The following PCMTD1 variants were observed in gnomAD, a reference collection of about 807,000 sequenced individuals.
The protein encoded by PCMTD1 is protein-L-isoaspartate O-methyltransferase domain-containing protein 1.
A neutral mutation model predicts 37.6 loss-of-function variants in PCMTD1; 12 were observed. The observed-to-expected ratio is 0.32, with a 90% confidence interval of 0.20 to 0.52. The LOEUF is 0.52. Ranked by LOEUF, PCMTD1 falls within the 20% of genes least tolerant of loss-of-function variation. The pLI is 0.97. For synonymous variants in PCMTD1, 117 were observed against 135.8 expected, an observed-to-expected ratio of 0.86 and a Z score of 0.96; for missense variants, 235 against 421.3, an observed-to-expected ratio of 0.56 and a Z score of 3.87.
At chr8:51,892,316 C>T (rs999791274) in intron 1 of PCMTD1, among the ~76,000 whole-genome samples, 1 of 152,196 alleles carries the variant, frequency 6.6e-6, no homozygotes, top group African/African-American at 2.4e-5. Context: ...CACTGAACTG[C>T]TAACACATGC....
At chr8:51,833,720 T>A (rs1353013364) in intron 3 of PCMTD1, 31 bp from the exon 4 acceptor site, 1 of 1,585,976 alleles carries the variant, frequency 6.3e-7, no homozygotes, top group Admixed American at 1.7e-5. Flanking sequence ...TTTAATTCAA[T>A]TAAGCAAAAC....
intron 1 of PCMTD1, among the ~76,000 whole-genome samples, chr8:51,897,290 A>G (rs1052677670): frequency 9.2e-5 from 14 of 152,224 alleles, no homozygotes; most frequent in Non-Finnish European, 1.8e-4. Flanking sequence ...TTTCTGTCTT[A>G]CTTAATAGTA....
intron 2 of PCMTD1, among the ~76,000 whole-genome samples, chr8:51,858,479 A>G (rs1202796792): frequency 6.6e-6 from 1 of 152,230 alleles, no homozygotes; most frequent in Non-Finnish European, 1.5e-5. Context: ...CACAGGGAGC[A>G]TGTGAGCATC....
intron 1 of PCMTD1, among the ~76,000 whole-genome samples, chr8:51,864,667 T>C (rs2038523989): frequency 6.6e-6 from 1 of 151,708 alleles, no homozygotes; most frequent in Non-Finnish European, 1.5e-5. Context: ...TTGAGACAAA[T>C]GAAAATGGAA....
chr8:51,845,396 G>GA (rs1439839593), intron 3 of PCMTD1: 2 of 322,208 alleles, frequency 6.2e-6, no homozygotes, highest in Non-Finnish European at 1.2e-5. Flanking sequence ...TGTATCTCCA[G>GA]AAAAGATAGC....
chr8:51,833,410 AT>A, intron 4 of PCMTD1, 107 bp downstream of exon 4: 2 of 874,148 alleles, frequency 2.3e-6, no homozygotes, highest in Non-Finnish European at 3.4e-6. Flanking sequence ...GTGAAAAGTA[AT>A]TTTTTCTTTA....
chr8:51,831,875 C>T (rs559603970), intron 4 of PCMTD1, among the ~76,000 whole-genome samples: 3 of 152,254 alleles, frequency 2.0e-5, no homozygotes, highest in Non-Finnish European at 4.4e-5. Flanking sequence ...CATGCCATTG[C>T]CTTTCAAAAT....
intron 3 of PCMTD1, among the ~76,000 whole-genome samples, chr8:51,841,251 C>T (rs906419219): frequency 6.6e-6 from 1 of 152,116 alleles, no homozygotes; most frequent in Non-Finnish European, 1.5e-5. Context: ...CAGACAAATG[C>T]ATATTAGGTG....
chr8:51,820,896 G>A (rs2037838476), intron 5 of PCMTD1, among the ~76,000 whole-genome samples, 178 bp from the exon 6 acceptor site: 1 of 152,024 alleles, frequency 6.6e-6, no homozygotes, highest in African/African-American at 2.4e-5. Context: ...GCCAAGGACC[G>A]ATGGATGGCA....
chr8:51,869,382 C>T (rs899211738), intron 1 of PCMTD1, among the ~76,000 whole-genome samples: 3 of 152,102 alleles, frequency 2.0e-5, no homozygotes, highest in African/African-American at 7.2e-5. Flanking sequence ...CTGTATTGAT[C>T]CGGCCAAATC....
At chr8:51,886,028 T>C (rs1230900591) in intron 1 of PCMTD1, among the ~76,000 whole-genome samples, 36 of 152,222 alleles carry the variant, frequency 2.4e-4, no homozygotes, top group Non-Finnish European at 2.9e-5. Flanking sequence ...GAACAAAGAC[T>C]ATGTACAGTT....
intron 1 of PCMTD1, among the ~76,000 whole-genome samples, chr8:51,863,624 T>C (rs1040960046): frequency 1.3e-5 from 2 of 152,094 alleles, no homozygotes; most frequent in African/African-American, 2.4e-5. Context: ...CTGTCTCTAT[T>C]AAAAATACAA....
At chr8:51,850,344 A>G (rs1022050213) in intron 2 of PCMTD1, among the ~76,000 whole-genome samples, 1 of 152,200 alleles carries the variant, frequency 6.6e-6, no homozygotes, top group African/African-American at 2.4e-5. Flanking sequence ...TATAACCTAC[A>G]TAAGGGGTTC....
chr8:51,888,579 A>C (rs549269539), intron 1 of PCMTD1, among the ~76,000 whole-genome samples: 1 of 152,174 alleles, frequency 6.6e-6, no homozygotes, highest in Non-Finnish European at 1.5e-5. Flanking sequence ...TATGCATGAA[A>C]GTCTGAACTC....
intron 1 of PCMTD1, among the ~76,000 whole-genome samples, chr8:51,862,907 T>TCTC (rs568151792): frequency 6.6e-5 from 10 of 152,318 alleles, no homozygotes; most frequent in African/African-American, 2.4e-4. Context: ...ACAGCACCCT[T>TCTC]CTCCTCAATG....
intron 1 of PCMTD1, among the ~76,000 whole-genome samples, chr8:51,898,284 T>C (rs1192894975): frequency 2.0e-5 from 3 of 152,172 alleles, no homozygotes; most frequent in Admixed American, 2.0e-4. Context: ...CCTCGGGTTC[T>C]GCCCGTGGGT....
At chr8:51,897,464 G>T (rs941238216) in intron 1 of PCMTD1, among the ~76,000 whole-genome samples, 1 of 151,366 alleles carries the variant, frequency 6.6e-6, no homozygotes, top group African/African-American at 2.4e-5. Context: ...TCATGTTAAA[G>T]AAATTACAAG....
At chr8:51,849,060 C>T (rs2038265463) in intron 2 of PCMTD1, 1 of 152,000 alleles carries the variant, frequency 6.6e-6, no homozygotes, top group Non-Finnish European at 1.5e-5. Flanking sequence ...CATTTGGTAT[C>T]TGTATTAAAT....
intron 2 of PCMTD1, among the ~76,000 whole-genome samples, chr8:51,854,069 A>G (rs1197981449): frequency 6.6e-6 from 1 of 152,224 alleles, no homozygotes; most frequent in Non-Finnish European, 1.5e-5. Context: ...GGAAACAGTT[A>G]ATCACAAAGA....
Sources: gnomAD v4.1 joint callset for allele counts (sites outside exome capture counted in the v4.1 genomes callset) on GRCh38, gnomAD v4.1.1 for gene constraint, MANE v1.5 for transcripts, NCBI Gene and HGNC (gene_info 2026-07-23, HGNC 2026-07-21) for gene names.